ATP2B2: variants seen among roughly 807,000 people sequenced by gnomAD.
The protein encoded by ATP2B2 is plasma membrane calcium-transporting ATPase 2.
ATP2B2 carries 15 observed loss-of-function variants against 120.0 expected under a neutral mutation model. The ratio of observed to expected loss-of-function variants is 0.12; its 90% CI spans 0.08 to 0.19. ATP2B2 has a LOEUF of 0.19. Ranked by LOEUF, ATP2B2 falls within the 10% of genes least tolerant of loss-of-function variation. ATP2B2 has a pLI of 1.00. For missense variants in ATP2B2, 1,045 were observed against 1,719.8 expected, an observed-to-expected ratio of 0.61 and a Z score of 6.94; for synonymous variants, 694 against 700.3, an observed-to-expected ratio of 0.99 and a Z score of 0.14.
intron 22 of ATP2B2, among the ~76,000 whole-genome samples, chr3:10,335,419 ACT>A (rs1319798190): frequency 6.6e-6 from 1 of 152,050 alleles, no homozygotes; most frequent in Non-Finnish European, 1.5e-5. Flanking sequence ...GCGGGCAGAG[ACT>A]CTGAACTGCT....
intron 2 of ATP2B2, 31 bp from the exon 3 acceptor site, chr3:10,410,846 G>C: frequency 6.2e-7 from 1 of 1,608,468 alleles, no homozygotes; most frequent in African/African-American, 1.3e-5. Flanking sequence ...GGTTGGCTGG[G>C]GGCCTGGGAG....
At position 10,578,814 on chromosome 3, in the gene ATP2B2, AAC is replaced by A. The variant is rs146789580; in HGVS notation, c.-415+41101_-415+41102del. On this transcript the variant is annotated intron_variant, in intron 2 of 21. Transcript: ENST00000646379. ...AGTGAAATAAGCCAGGCAGGAAGAG[AAC>A]ACACCATGCGATTCCATTTATATGA... Among the ~76,000 whole-genome samples, 664 of 152,306 alleles carry A rather than the reference AAC, an allele frequency of 4.4e-3. 6 individuals are homozygous for A. Among genetic ancestry groups the A allele is most frequent in the African/African-American group, 0.015 (625 of 41,556 alleles).
intron 2 of ATP2B2, among the ~76,000 whole-genome samples, chr3:10,590,907 A>G (rs2068628890): frequency 6.6e-6 from 1 of 151,996 alleles, no homozygotes; most frequent in South Asian, 2.1e-4. Flanking sequence ...CCTAGTCCCC[A>G]CACTTTACAA....
intron 2 of ATP2B2, among the ~76,000 whole-genome samples, chr3:10,565,435 C>T (rs2067989379): frequency 6.6e-6 from 1 of 152,166 alleles, no homozygotes; most frequent in Non-Finnish European, 1.5e-5. Context: ...CTGAAAGCCT[C>T]TGGAATCTGT....
rs539922210 is a variant in ATP2B2, at chr3:10,652,983, G to C, written c.-459-33022C>G. Among the ~76,000 whole-genome samples the C allele has an allele frequency of 1.5e-4, 23 of 152,300 alleles. No homozygotes were observed. In the South Asian group the frequency reaches 4.8e-3, roughly 32 times the overall value. On this transcript the variant is annotated intron_variant, in intron 1 of 21. Transcript: ENST00000646379. ...TAATGGGTACAGCGTTTCAGTTAAG[G>C]AAGGTGAAAAAGTTCTGGAGATGGA...
intron 1 of ATP2B2, among the ~76,000 whole-genome samples, chr3:10,500,180 C>A (rs1020059729): frequency 6.6e-6 from 1 of 151,650 alleles, no homozygotes; most frequent in African/African-American, 2.4e-5. Context: ...TCAGGTGATC[C>A]ACCTGTCTTG....
chr3:10,341,829 C>T (rs1236274260), intron 19 of ATP2B2, among the ~76,000 whole-genome samples: 1 of 152,204 alleles, frequency 6.6e-6, no homozygotes, highest in East Asian at 1.9e-4. Flanking sequence ...TAAGCTTTTT[C>T]ATGATAAGTT....
chr3:10,389,697 A>C (rs2061788580), intron 5 of ATP2B2, among the ~76,000 whole-genome samples: 1 of 152,218 alleles, frequency 6.6e-6, no homozygotes, highest in African/African-American at 2.4e-5. Flanking sequence ...GTTGCACAAA[A>C]ACGTGAAGGT....
At chr3:10,617,330 C>G (rs973846501) in intron 2 of ATP2B2, among the ~76,000 whole-genome samples, 1 of 152,106 alleles carries the variant, frequency 6.6e-6, no homozygotes, top group Non-Finnish European at 1.5e-5. Context: ...TAAAAGATTC[C>G]CAGGGTTTCT....
At chr3:10,534,156 T>G (rs987732065) in intron 2 of ATP2B2, 36 of 152,444 alleles carry the variant, frequency 2.4e-4, no homozygotes, top group African/African-American at 8.5e-4. Flanking sequence ...AAAGATGGCA[T>G]TAGTTAGGGG....
intron 3 of ATP2B2, among the ~76,000 whole-genome samples, chr3:10,529,495 CA>C (rs1395409707): frequency 6.6e-6 from 1 of 152,156 alleles, no homozygotes; most frequent in Non-Finnish European, 1.5e-5. Context: ...TTTAAGATGC[CA>C]ATGGGCATCT....
intron 2 of ATP2B2, among the ~76,000 whole-genome samples, chr3:10,578,006 G>A (rs1035891258): frequency 1.3e-5 from 2 of 152,174 alleles, no homozygotes; most frequent in Non-Finnish European, 2.9e-5. Context: ...CAGAATCCCA[G>A]AGTCCAAGTC....
chr3:10,660,149 A>T (rs1260092870), intron 1 of ATP2B2, among the ~76,000 whole-genome samples: 1 of 152,254 alleles, frequency 6.6e-6, no homozygotes, highest in Non-Finnish European at 1.5e-5. Flanking sequence ...AAATCGGGAA[A>T]GATCTAAAAT....
chr3:10,613,395 G>A (rs1039504449), intron 2 of ATP2B2, among the ~76,000 whole-genome samples: 7 of 152,166 alleles, frequency 4.6e-5, no homozygotes, highest in Non-Finnish European at 8.8e-5. Context: ...TTTGTTGCCA[G>A]CTGGTCAGAA....
chr3:10,587,452 G>A (rs1183074745), intron 2 of ATP2B2, among the ~76,000 whole-genome samples: 1 of 151,988 alleles, frequency 6.6e-6, no homozygotes, highest in Non-Finnish European at 1.5e-5. Flanking sequence ...GCAGTGGTTC[G>A]ATCTTGAACC....
chr3:10,340,364 G>T lies in ATP2B2; in HGVS notation c.3130-15C>A, dbSNP rs765326301. The T allele has an allele frequency of 7.4e-6, 12 of 1,613,656 alleles. No individual in the cohort carries two copies. The African/African-American group carries it at 8.0e-5, about 11-fold the overall frequency. On this transcript the variant is annotated splice_polypyrimidine_tract_variant and intron_variant, in intron 20 of 22. Coordinates refer to ENST00000360273, the MANE Select transcript of ATP2B2 (RefSeq NM_001001331.4). The surrounding 1 kb of genome is among the most constrained non-coding windows in gnomAD (Gnocchi z 5.0). The stretch of plus-strand genomic sequence containing the variant: ...ACGATCACTATCTGGAGGTCACAGG[G>T]GAGCAGAGAAAGAGAGAGAGAGAGG...
chr3:10,593,273 T>G (rs1226564407), intron 2 of ATP2B2, among the ~76,000 whole-genome samples: 1 of 152,244 alleles, frequency 6.6e-6, no homozygotes, highest in South Asian at 2.1e-4. Flanking sequence ...CTACTAAGTC[T>G]GCAGTATTAG....
At chr3:10,553,254 C>T (rs754016) in intron 2 of ATP2B2, among the ~76,000 whole-genome samples, 8,175 of 152,228 alleles carry the variant, frequency 0.054, 359 homozygotes, top group African/African-American at 0.12. Flanking sequence ...AGTGTTTAAG[C>T]GGTGTTCTTT....
intron 2 of ATP2B2, among the ~76,000 whole-genome samples, chr3:10,573,667 G>A (rs1008389863): frequency 1.3e-5 from 2 of 152,136 alleles, no homozygotes; most frequent in Admixed American, 6.5e-5. Flanking sequence ...GAACTGGCTG[G>A]GGTAGAAATA....
Sources: allele counts gnomAD v4.1 joint callset (sites outside exome capture counted in the v4.1 genomes callset), GRCh38; gene constraint gnomAD v4.1.1; non-coding constraint Gnocchi (gnomAD v3.1); transcripts MANE v1.5; gene names NCBI Gene and HGNC (gene_info 2026-07-23, HGNC 2026-07-21).